The following R3HCC1L variants were observed in gnomAD, a reference collection of about 807,000 sequenced individuals.
R3HCC1L encodes R3H domain and coiled-coil containing 1 like, also known as coiled-coil domain-containing protein R3HCC1L.
Under a neutral mutation model 59.9 loss-of-function variants are expected in R3HCC1L, and 51 were observed. The ratio of observed to expected loss-of-function variants is 0.85; its 90% CI spans 0.68 to 1.07. The LOEUF is 1.07. Ranked by LOEUF, R3HCC1L falls within the 50% of genes least tolerant of loss-of-function variation. The pLI is 0.00. For synonymous variants in R3HCC1L, 322 were observed against 315.2 expected, an observed-to-expected ratio of 1.02 and a Z score of -0.23; for missense variants, 965 against 933.0, an observed-to-expected ratio of 1.03 and a Z score of -0.45.
chr10:98,175,166 G>T (rs774387412), intron 4 of R3HCC1L, among the ~76,000 whole-genome samples: 5 of 152,032 alleles, frequency 3.3e-5, no homozygotes, highest in Non-Finnish European at 7.4e-5. Flanking sequence ...GAAAGAAACC[G>T]TCAGTCTTAC....
chr10:98,151,105 AT>A (rs1195799521), intron 1 of R3HCC1L, among the ~76,000 whole-genome samples: 1 of 151,884 alleles, frequency 6.6e-6, no homozygotes, highest in Non-Finnish European at 1.5e-5. Context: ...TCTCCTCCTC[AT>A]TTTTGAATTC....
chr10:98,151,551 A>G (rs1198042619), intron 1 of R3HCC1L, among the ~76,000 whole-genome samples: 1 of 152,182 alleles, frequency 6.6e-6, no homozygotes, highest in East Asian at 1.9e-4. Context: ...AAAATTAGTT[A>G]TGTTCCTATA....
intron 1 of R3HCC1L, among the ~76,000 whole-genome samples, chr10:98,138,436 A>G (rs1044155678): frequency 1.6e-4 from 25 of 152,212 alleles, no homozygotes; most frequent in Middle Eastern, 3.4e-3. Flanking sequence ...TCACTCTTGT[A>G]CTTTCAGCAT....
At chr10:98,234,585 C>T in intron 7 of R3HCC1L, 69 bp downstream of exon 7, 2 of 1,496,028 alleles carry the variant, frequency 1.3e-6, no homozygotes, top group Non-Finnish European at 1.8e-6. Flanking sequence ...TTTCTATTTC[C>T]CTTCTATTTG....
chr10:98,181,473 G>A (rs1849614751), intron 4 of R3HCC1L, among the ~76,000 whole-genome samples: 3 of 152,022 alleles, frequency 2.0e-5, no homozygotes, highest in Admixed American at 2.0e-4. Flanking sequence ...TTCAATCTTG[G>A]TGAATCTGAC....
intron 5 of R3HCC1L, among the ~76,000 whole-genome samples, chr10:98,215,483 G>A (rs1480022902): frequency 2.0e-5 from 3 of 151,958 alleles, no homozygotes; most frequent in Non-Finnish European, 4.4e-5. Flanking sequence ...AATACTTCAC[G>A]TTCACAATCC....
At chr10:98,228,045 TG>T (rs534778509) in intron 5 of R3HCC1L, among the ~76,000 whole-genome samples, 49 of 152,338 alleles carry the variant, frequency 3.2e-4, no homozygotes, top group African/African-American at 1.2e-3. Context: ...CAAACATATG[TG>T]TGCATGTGTC....
At chr10:98,136,214 T>G (rs1844572138) in intron 1 of R3HCC1L, among the ~76,000 whole-genome samples, 2 of 152,164 alleles carry the variant, frequency 1.3e-5, no homozygotes, top group Non-Finnish European at 2.9e-5. Context: ...ATTTTTAGTC[T>G]GTGTTTATTC....
At chr10:98,189,996 A>G (rs1018814513) in intron 4 of R3HCC1L, among the ~76,000 whole-genome samples, 1 of 152,190 alleles carries the variant, frequency 6.6e-6, no homozygotes, top group African/African-American at 2.4e-5. Flanking sequence ...TGGATACCAC[A>G]ATTTGAGGAT....
Position 98,138,715 on chromosome 10 carries a change from C to T in R3HCC1L, c.-268+4009C>T, listed in dbSNP as rs867932887. 4.6e-5 allele frequency among the ~76,000 whole-genome samples: 7 copies of T among 152,212 alleles called. No individual in the cohort carries two copies. In the South Asian group the frequency reaches 1.2e-3, roughly 27 times the overall value. On this transcript the variant is annotated intron_variant, in intron 1 of 9. Coordinates refer to ENST00000298999, the MANE Select transcript of R3HCC1L (RefSeq NM_001351015.2). Reference sequence around the variant, plus strand: ...TTGTCCTAGGTCACTGAGGTGCACTCTGGAGAGGCCATGTAGCATTGTGGC... The same window carrying T: ...TTGTCCTAGGTCACTGAGGTGCACTTTGGAGAGGCCATGTAGCATTGTGGC...
At chr10:98,158,328 C>T (rs1847082097) in intron 2 of R3HCC1L, among the ~76,000 whole-genome samples, 1 of 152,166 alleles carries the variant, frequency 6.6e-6, no homozygotes, top group Admixed American at 6.5e-5. Flanking sequence ...ATTATATTCT[C>T]ATTAATAATA....
chr10:98,152,003 G>T (rs1031269373), intron 1 of R3HCC1L, among the ~76,000 whole-genome samples: 1 of 152,144 alleles, frequency 6.6e-6, no homozygotes, highest in Admixed American at 6.5e-5. Context: ...CTGATGCCGA[G>T]CCGAAGCTGG....
intron 4 of R3HCC1L, among the ~76,000 whole-genome samples, chr10:98,168,855 C>T (rs1275253628): frequency 1.3e-5 from 2 of 152,152 alleles, no homozygotes; most frequent in African/African-American, 2.4e-5. Context: ...TTGGTGGTCC[C>T]ATGTTGAAAT....
chr10:98,201,881 ATT>A (rs145665708), intron 4 of R3HCC1L, among the ~76,000 whole-genome samples: 83,720 of 143,246 alleles, frequency 0.58, 25,698 homozygotes, highest in East Asian at 0.8. Context: ...GAAAGATGAG[ATT>A]TTTTTTTTTT....
intron 9 of R3HCC1L, among the ~76,000 whole-genome samples, chr10:98,238,629 T>G (rs1334642345): frequency 4.6e-5 from 7 of 152,210 alleles, no homozygotes; most frequent in African/African-American, 1.7e-4. Context: ...ACCCAGCTGG[T>G]AAACTGAAAG....
chr10:98,136,487 ATATATACCT>A (rs1312367805), intron 1 of R3HCC1L, among the ~76,000 whole-genome samples: 4 of 152,226 alleles, frequency 2.6e-5, no homozygotes, highest in Non-Finnish European at 5.9e-5. Flanking sequence ...TTTAGGTTTC[ATATATACCT>A]TATATACATA....
chr10:98,239,543 A>G (rs1440205881), intron 9 of R3HCC1L, among the ~76,000 whole-genome samples: 1 of 152,118 alleles, frequency 6.6e-6, no homozygotes, highest in Non-Finnish European at 1.5e-5. Flanking sequence ...TGGTTACTCT[A>G]ATTTTTCTTT....
At chr10:98,182,822 C>T (rs937673497) in intron 4 of R3HCC1L, among the ~76,000 whole-genome samples, 9 of 152,128 alleles carry the variant, frequency 5.9e-5, no homozygotes, top group African/African-American at 1.9e-4. Flanking sequence ...AGCAAGGCTC[C>T]GTGGTTGTGG....
intron 4 of R3HCC1L, among the ~76,000 whole-genome samples, chr10:98,180,619 G>C (rs1170649605): frequency 1.3e-5 from 2 of 152,162 alleles, no homozygotes; most frequent in African/African-American, 4.8e-5. Flanking sequence ...GGATATCCTT[G>C]TTAACCTTCT....
Sources: allele counts gnomAD v4.1 joint callset (sites outside exome capture counted in the v4.1 genomes callset), GRCh38; gene constraint gnomAD v4.1.1; transcripts MANE v1.5; gene names NCBI Gene and HGNC (gene_info 2026-07-23, HGNC 2026-07-21).